The following ATP2B2 variants were observed in gnomAD, a reference collection of about 807,000 sequenced individuals.
ATP2B2 encodes plasma membrane calcium-transporting ATPase 2.
In ATP2B2, 15 loss-of-function variants were observed where a neutral mutation model predicts 120.0. That is an observed-to-expected ratio of 0.12 (90% CI 0.08 to 0.19). The LOEUF (loss-of-function observed/expected upper bound fraction) is 0.19. Among genes scored for constraint, ATP2B2 ranks in the 10% least tolerant of loss-of-function variants. ATP2B2 has a pLI of 1.00. For synonymous variants in ATP2B2, 694 were observed against 700.3 expected, an observed-to-expected ratio of 0.99 and a Z score of 0.14; for missense variants, 1,045 against 1,719.8, an observed-to-expected ratio of 0.61 and a Z score of 6.94.
At chr3:10,331,761 A>C in intron 22 of ATP2B2, 3 of 384,798 alleles carry the variant, frequency 7.8e-6, no homozygotes, top group East Asian at 3.7e-5. Flanking sequence ...GGTGAGGGGA[A>C]GGAGAGGAAG....
chr3:10,477,458 A>G (rs557493074), intron 1 of ATP2B2, among the ~76,000 whole-genome samples: 1 of 152,352 alleles, frequency 6.6e-6, no homozygotes, highest in Non-Finnish European at 1.5e-5. Flanking sequence ...CATTAAGTGC[A>G]TCCTCATTGT....
At chr3:10,611,362 C>A (rs559523492) in intron 2 of ATP2B2, among the ~76,000 whole-genome samples, 5 of 152,266 alleles carry the variant, frequency 3.3e-5, no homozygotes, top group African/African-American at 1.2e-4. Flanking sequence ...GGTGTGGCTG[C>A]GGAGAGCTTG....
intron 2 of ATP2B2, among the ~76,000 whole-genome samples, chr3:10,607,000 CAGAGAG>C (rs57334112): frequency 4.8e-5 from 7 of 146,126 alleles, no homozygotes; most frequent in Admixed American, 3.4e-4. Flanking sequence ...GAGAGAGAGA[CAGAGAG>C]AGAGAGAGAG....
chr3:10,439,437 C>T (rs934735294), intron 2 of ATP2B2, among the ~76,000 whole-genome samples: 2 of 152,166 alleles, frequency 1.3e-5, no homozygotes, highest in African/African-American at 4.8e-5. Context: ...CACATGCATC[C>T]CCTTGGGGCC....
chr3:10,519,750 G>C (rs2066945677), intron 3 of ATP2B2, among the ~76,000 whole-genome samples: 1 of 152,248 alleles, frequency 6.6e-6, no homozygotes, highest in African/African-American at 2.4e-5. Context: ...GGTGTTTACT[G>C]TATGTGTGGC....
chr3:10,623,172 C>T (rs1477743307), intron 1 of ATP2B2, among the ~76,000 whole-genome samples: 2 of 151,388 alleles, frequency 1.3e-5, no homozygotes, highest in African/African-American at 2.4e-5. Context: ...AAGTGATCCT[C>T]CTGCCTCAGC....
At chr3:10,660,342 G>A (rs181360094) in intron 1 of ATP2B2, among the ~76,000 whole-genome samples, 1 of 152,262 alleles carries the variant, frequency 6.6e-6, no homozygotes, top group Admixed American at 6.5e-5. Context: ...AAAATTGATA[G>A]ACTTCTAGCA....
chr3:10,502,373 G>T (rs1559420779), intron 1 of ATP2B2, among the ~76,000 whole-genome samples: 1 of 152,272 alleles, frequency 6.6e-6, no homozygotes, highest in East Asian at 1.9e-4. Context: ...AAGTGACTTG[G>T]CCAAGATCAC....
rs150763043 is a variant in ATP2B2 at position 10,396,947 on chromosome 3, T to G, written c.781+4006A>C. Among the ~76,000 whole-genome samples the G allele has an allele frequency of 4.9e-3, 746 of 152,224 alleles. 11 individuals carry two copies. The highest frequency in any genetic ancestry group is 0.017 in the African/African-American group (709 of 41,534). ...CCAAGTCCAGGCCTCACCCAAGGAA[T>G]GGGGAAGGGAACCAACTTATGTTGA... On this transcript the variant is annotated intron_variant, in intron 5 of 22. Transcript: ENST00000360273.
intron 1 of ATP2B2, among the ~76,000 whole-genome samples, chr3:10,502,730 C>G (rs772259319): frequency 6.6e-6 from 1 of 152,250 alleles, no homozygotes; most frequent in Non-Finnish European, 1.5e-5. Flanking sequence ...AAGGCTCCTC[C>G]GCCTTCACCC....
chr3:10,481,053 G>T (rs528333372), intron 1 of ATP2B2, among the ~76,000 whole-genome samples: 1 of 152,176 alleles, frequency 6.6e-6, no homozygotes, highest in Non-Finnish European at 1.5e-5. Context: ...GTTACACACT[G>T]GTAGGAAGTC....
At chr3:10,544,943 C>G (rs2067513010) in intron 2 of ATP2B2, among the ~76,000 whole-genome samples, 2 of 152,190 alleles carry the variant, frequency 1.3e-5, no homozygotes. Flanking sequence ...ATGTCTCCAG[C>G]AGTATTGTTT....
At chr3:10,598,639 T>C (rs1005281380) in intron 2 of ATP2B2, among the ~76,000 whole-genome samples, 2 of 152,348 alleles carry the variant, frequency 1.3e-5, no homozygotes, top group Admixed American at 6.5e-5. Context: ...CTTTCATCCC[T>C]GCACTCCCCA....
At chr3:10,338,526 CTTTTTTTTTTTT>C (rs34558372) in intron 21 of ATP2B2, among the ~76,000 whole-genome samples, 168 bp from the exon 22 acceptor site, 2 of 88,448 alleles carry the variant, frequency 2.3e-5, no homozygotes, top group African/African-American at 5.4e-5. Context: ...TTGACAATGT[CTTTTTTTTTTTT>C]TTTTTTTTTT....
chr3:10,428,444 G>A (rs557088118), intron 2 of ATP2B2, among the ~76,000 whole-genome samples: 3 of 152,192 alleles, frequency 2.0e-5, no homozygotes, highest in Admixed American at 2.0e-4. Flanking sequence ...TGTGAGTTCC[G>A]GGGATCCTCT....
chr3:10,674,266 C>T (rs1310571223), intron 1 of ATP2B2, among the ~76,000 whole-genome samples: 1 of 152,172 alleles, frequency 6.6e-6, no homozygotes, highest in South Asian at 2.1e-4. Context: ...TGGAAGAGAG[C>T]GTGTGTCTAA....
intron 2 of ATP2B2, among the ~76,000 whole-genome samples, chr3:10,439,998 G>A (rs189867338): frequency 1.1e-3 from 162 of 150,524 alleles, no homozygotes; most frequent in Middle Eastern, 3.5e-3. Flanking sequence ...AGCTACTTGG[G>A]AAGCTGAGGT....
intron 1 of ATP2B2, among the ~76,000 whole-genome samples, chr3:10,656,250 C>T (rs1403949514): frequency 2.6e-5 from 4 of 152,136 alleles, no homozygotes; most frequent in African/African-American, 9.7e-5. Flanking sequence ...AGGGGTCCAG[C>T]CCCACTTCAT....
chr3:10,646,366 C>T (rs140705992), intron 1 of ATP2B2, among the ~76,000 whole-genome samples: 23 of 152,240 alleles, frequency 1.5e-4, no homozygotes, highest in African/African-American at 5.3e-4. Flanking sequence ...CATCCCAAAC[C>T]GTCTCATCCT....
Sources: allele counts gnomAD v4.1 joint callset (sites outside exome capture counted in the v4.1 genomes callset), GRCh38; gene constraint gnomAD v4.1.1; transcripts MANE v1.5; gene names NCBI Gene and HGNC (gene_info 2026-07-23, HGNC 2026-07-21).